Variants in FSTL4 observed in about 807,000 individuals in gnomAD.
FSTL4 encodes follistatin like 4.
A neutral mutation model predicts 78.2 loss-of-function variants in FSTL4; 28 were observed. That is an observed-to-expected ratio of 0.36 (90% CI 0.27 to 0.49). The LOEUF (loss-of-function observed/expected upper bound fraction) is 0.49. Ranked by LOEUF, FSTL4 falls within the 20% of genes least tolerant of loss-of-function variation. FSTL4 has a pLI of 0.98. For missense variants in FSTL4, 922 were observed against 1,084.9 expected (o/e 0.85, Z 2.11); for synonymous variants, 422 against 440.5 (o/e 0.96, Z 0.53).
intron 2 of FSTL4, among the ~76,000 whole-genome samples, chr5:133,571,392 C>A (rs1249824018): frequency 2.0e-5 from 3 of 152,126 alleles, no homozygotes; most frequent in Admixed American, 1.3e-4. Flanking sequence ...TCTAAAATTA[C>A]CAGGCATAGC....
chr5:133,609,269 GTC>G (rs1240274978), intron 1 of FSTL4, among the ~76,000 whole-genome samples: 2 of 152,136 alleles, frequency 1.3e-5, no homozygotes, highest in Non-Finnish European at 2.9e-5. Context: ...ATGAAAAAGT[GTC>G]TGCCCTACAC....
At chr5:133,376,243 A>G (rs1755433221) in intron 4 of FSTL4, among the ~76,000 whole-genome samples, 1 of 152,262 alleles carries the variant, frequency 6.6e-6, no homozygotes, top group Non-Finnish European at 1.5e-5. Flanking sequence ...AACAGAAGAA[A>G]GAACTCTGCA....
chr5:133,376,050 T>C (rs553813496), intron 4 of FSTL4, among the ~76,000 whole-genome samples: 17 of 152,366 alleles, frequency 1.1e-4, no homozygotes, highest in African/African-American at 4.1e-4. Context: ...AGGTTGTGTG[T>C]ATACACACGT....
chr5:133,789,961 T>A, the FSTL4 span, among the ~76,000 whole-genome samples: 1 of 152,244 alleles, frequency 6.6e-6, no homozygotes, highest in South Asian at 2.1e-4. Context: ...ACATAAATAT[T>A]TACCCCATAA....
At chr5:133,430,087 A>T (rs1184085701) in intron 3 of FSTL4, among the ~76,000 whole-genome samples, 1 of 152,188 alleles carries the variant, frequency 6.6e-6, no homozygotes, top group Non-Finnish European at 1.5e-5. Context: ...GTGAGGTGCA[A>T]TTTTTCCTTG....
chr5:133,291,629 G>A (rs779062251), intron 6 of FSTL4, among the ~76,000 whole-genome samples: 6 of 152,280 alleles, frequency 3.9e-5, no homozygotes, highest in African/African-American at 9.6e-5. Context: ...GCAAATGAGC[G>A]TCTCAAGGAG....
intron 4 of FSTL4, among the ~76,000 whole-genome samples, chr5:133,392,360 A>AG (rs1476018197): frequency 6.6e-6 from 1 of 152,162 alleles, no homozygotes; most frequent in Non-Finnish European, 1.5e-5. Context: ...CAAGAGAAGG[A>AG]GGGATCTACG....
chr5:133,383,820 A>G (rs1288793534), intron 4 of FSTL4, among the ~76,000 whole-genome samples: 5 of 152,160 alleles, frequency 3.3e-5, no homozygotes, highest in Non-Finnish European at 7.4e-5. Flanking sequence ...TTCTCAGACA[A>G]AAGTATCCTT....
chr5:133,458,717 AC>A (rs1293435981), intron 3 of FSTL4, among the ~76,000 whole-genome samples: 1 of 152,262 alleles, frequency 6.6e-6, no homozygotes, highest in Non-Finnish European at 1.5e-5. Flanking sequence ...CCAGGGCCTC[AC>A]AGACACAAGC....
At chr5:133,305,875 G>A (rs1381203121) in intron 6 of FSTL4, among the ~76,000 whole-genome samples, 3 of 152,160 alleles carry the variant, frequency 2.0e-5, no homozygotes, top group South Asian at 2.1e-4. Flanking sequence ...GCCACTCCAC[G>A]CCAAGTGTAC....
intron 3 of FSTL4, among the ~76,000 whole-genome samples, chr5:133,468,357 A>G (rs1350712204): frequency 6.6e-6 from 1 of 152,198 alleles, no homozygotes; most frequent in East Asian, 1.9e-4. Flanking sequence ...ACAGTCCAGG[A>G]TGGGTGGGAA....
chr5:133,693,927 C>T, the FSTL4 span, among the ~76,000 whole-genome samples: 1 of 152,182 alleles, frequency 6.6e-6, no homozygotes, highest in African/African-American at 2.4e-5. Flanking sequence ...ACATTGAAGG[C>T]AATTCTTCCC....
chr5:133,289,796 G>A (rs960439496), intron 6 of FSTL4, among the ~76,000 whole-genome samples: 4 of 152,230 alleles, frequency 2.6e-5, no homozygotes, highest in African/African-American at 9.6e-5. Context: ...CCATGTCTCA[G>A]TGATGGGTGG....
At chr5:133,517,447 A>AAAAAAAAAAAAT (rs1554068019) in intron 3 of FSTL4, among the ~76,000 whole-genome samples, 1 of 16,416 alleles carries the variant, frequency 6.1e-5, no homozygotes. Context: ...AAAAAAAAAA[A>AAAAAAAAAAAAT]ATATATATAT....
At chr5:133,702,973 T>C in the FSTL4 span, among the ~76,000 whole-genome samples, 1 of 152,178 alleles carries the variant, frequency 6.6e-6, no homozygotes. Flanking sequence ...CACAGCACAA[T>C]GCTGCCCCAC....
chr5:133,671,798 G>C, the FSTL4 span, among the ~76,000 whole-genome samples: 61 of 152,336 alleles, frequency 4.0e-4, no homozygotes, highest in Admixed American at 7.8e-4. Flanking sequence ...GTAAAAACAT[G>C]TTCAAATAAG....
intron 3 of FSTL4, among the ~76,000 whole-genome samples, chr5:133,410,876 C>T (rs763085916): frequency 2.6e-5 from 4 of 152,210 alleles, no homozygotes; most frequent in Non-Finnish European, 5.9e-5. Context: ...AATATCAAGA[C>T]AAAGCTTAGT....
chr5:133,216,248 G>A (rs1379939456), intron 13 of FSTL4, among the ~76,000 whole-genome samples: 3 of 152,172 alleles, frequency 2.0e-5, no homozygotes, highest in Non-Finnish European at 4.4e-5. Context: ...TCCCACTGCT[G>A]TTGTCATCTC....
chr5:133,223,772 G>A (rs1026830608), intron 11 of FSTL4, among the ~76,000 whole-genome samples: 1 of 151,750 alleles, frequency 6.6e-6, no homozygotes, highest in African/African-American at 2.4e-5. Flanking sequence ...TTTTTTCCTC[G>A]GGTTTTCCTC....
Sources: allele counts gnomAD v4.1 joint callset (sites outside exome capture counted in the v4.1 genomes callset), GRCh38; gene constraint gnomAD v4.1.1; transcripts MANE v1.5; gene names NCBI Gene and HGNC (gene_info 2026-07-23, HGNC 2026-07-21).